TTLL5: variants seen among roughly 807,000 people sequenced by gnomAD.
The protein encoded by TTLL5 is tubulin tyrosine ligase like 5.
A neutral mutation model predicts 168.4 loss-of-function variants in TTLL5; 132 were observed. The observed-to-expected ratio is 0.78, with a 90% confidence interval of 0.68 to 0.91. The LOEUF (loss-of-function observed/expected upper bound fraction) is 0.91. TTLL5 is among the 40% of genes least tolerant of loss of function. The pLI, the probability that TTLL5 is intolerant of heterozygous loss-of-function variation, is 0.00. For synonymous variants in TTLL5, 546 were observed against 558.6 expected, an observed-to-expected ratio of 0.98 and a Z score of 0.32; for missense variants, 1,545 against 1,581.5, an observed-to-expected ratio of 0.98 and a Z score of 0.39.
chr14:75,874,162 G>A (rs1250967899), intron 29 of TTLL5, among the ~76,000 whole-genome samples: 1 of 151,956 alleles, frequency 6.6e-6, no homozygotes, highest in South Asian at 2.1e-4. Context: ...CTCGATCTGG[G>A]CTCACTGCAA....
At chr14:75,710,101 G>C (rs1395833416) in intron 9 of TTLL5, 1 of 152,132 alleles carries the variant, frequency 6.6e-6, no homozygotes, top group African/African-American at 2.4e-5. Context: ...TTTGGGAATA[G>C]AGAAAAGAGA....
At position 75,863,927 on chromosome 14, in the gene TTLL5, A is replaced by AAAAAAAAG. The variant is rs1364506761; in HGVS notation, c.3522+66_3522+73dup. On this transcript the variant is annotated intron_variant, in intron 29 of 31. Coordinates refer to ENST00000298832, the MANE Select transcript of TTLL5 (RefSeq NM_015072.5). ...TGCTGTTGGTAAAAAAAAAAAAAAA[A>AAAAAAAAG]AAAAAAAGGTCAGTGAATGAGAAAT... 6 of 1,307,340 alleles carry AAAAAAAAG rather than the reference A, an allele frequency of 4.6e-6. No individual in the cohort carries two copies. In the Admixed American group the frequency reaches 1.5e-4, roughly 33 times the overall value. 81.0% of individuals were successfully genotyped at this position (1,307,340 alleles called of 1,614,324 possible).
In TTLL5 at chr14:75,773,933, G is replaced by T. The variant is rs1425145729; in HGVS notation, c.2137-1551G>T. ...ATATATATATATATATATATAGAGA[G>T]AGAGAGAGAGAGAGAGAGAGAGAAA... On this transcript the variant is annotated intron_variant, in intron 21 of 31. Transcript: ENST00000298832. 9.6e-3 allele frequency among the ~76,000 whole-genome samples: 252 copies of T among 26,324 alleles called. 2 individuals carry two copies. Among genetic ancestry groups the T allele is most frequent in the African/African-American group, 0.015 (136 of 9,038 alleles). 17.3% of individuals were successfully genotyped at this position (26,324 alleles called of 152,430 possible). A position where few individuals can be genotyped will look rare whatever the true frequency, so the allele number is the denominator to read the frequency against.
chr14:75,928,150 G>T (rs1595286694), intron 31 of TTLL5, among the ~76,000 whole-genome samples: 1 of 151,802 alleles, frequency 6.6e-6, no homozygotes, highest in South Asian at 2.1e-4. Flanking sequence ...CAAAAAGGAG[G>T]TAACTGCCAC....
intron 6 of TTLL5, among the ~76,000 whole-genome samples, chr14:75,695,135 C>T (rs1594883945): frequency 6.6e-6 from 1 of 152,184 alleles, no homozygotes; most frequent in East Asian, 1.9e-4. Context: ...TTCTTTTTCT[C>T]AGCAAGGAAC....
chr14:75,910,533 C>A (rs1233186993), intron 31 of TTLL5, among the ~76,000 whole-genome samples: 1 of 152,190 alleles, frequency 6.6e-6, no homozygotes. Context: ...ATCTTATAGC[C>A]ACATACCTTT....
chr14:75,736,532 T>C (rs1403996366), intron 15 of TTLL5, among the ~76,000 whole-genome samples: 1 of 152,224 alleles, frequency 6.6e-6, no homozygotes, highest in Non-Finnish European at 1.5e-5. Flanking sequence ...ATACCTCATC[T>C]GAAAGGGATG....
chr14:75,663,084 A>G lies in TTLL5; in HGVS notation c.-66A>G. Reference sequence around the variant, plus strand: ...CTGTGCCATCCAAATTGCTTGATCCAGTGAATCTGCTAGGAAAGGTCTCTG... The same window carrying G: ...CTGTGCCATCCAAATTGCTTGATCCGGTGAATCTGCTAGGAAAGGTCTCTG... On this transcript the variant is annotated 5_prime_UTR_variant, in exon 2 of 32. Transcript: ENST00000298832. 2.1e-6 allele frequency: 3 copies of G among 1,452,800 alleles called. No individual in the cohort carries two copies. The highest frequency in any genetic ancestry group is 1.2e-5 in the South Asian group (1 of 84,574). The allele number at this position is 1,452,800 out of a possible 1,614,324, so 90.0% of individuals were successfully genotyped here. A position where few individuals can be genotyped will look rare whatever the true frequency, so the allele number is the denominator to read the frequency against.
chr14:75,794,785 G>C (rs967068571), intron 27 of TTLL5, among the ~76,000 whole-genome samples: 1 of 152,218 alleles, frequency 6.6e-6, no homozygotes, highest in Non-Finnish European at 1.5e-5. Flanking sequence ...GAGTAGTGGA[G>C]AAAGAGCTAG....
chr14:75,681,574 C>G lies in TTLL5; in HGVS notation c.211C>G (p.Arg71Gly). 6.2e-7 allele frequency: 1 copy of G among 1,613,302 alleles called. No individual in the cohort carries two copies. Among genetic ancestry groups the G allele is most frequent in the Non-Finnish European group, 8.5e-7 (1 of 1,179,898 alleles). ...ERYHLSYKIV[R>G]TDSRLVRSIL... The stretch of plus-strand genomic sequence containing the variant: ...TTATCATTTGTCTTATAAGATTGTA[C>G]GAACGGACAGTCGCCTAGTACGCAG... The change falls in exon 4 of 32, where the codon CGA (arginine) becomes GGA (glycine). Residue 71 changes from arginine (R) to glycine (G), a missense_variant. Coordinates refer to ENST00000298832, the MANE Select transcript of TTLL5 (RefSeq NM_015072.5).
At chr14:75,696,275 G>A (rs1594886138) in intron 6 of TTLL5, among the ~76,000 whole-genome samples, 1 of 152,188 alleles carries the variant, frequency 6.6e-6, no homozygotes, top group South Asian at 2.1e-4. Flanking sequence ...CTTGTTCAAT[G>A]TCTGTTTTTT....
chr14:75,780,340 G>A (rs911334863), intron 24 of TTLL5, among the ~76,000 whole-genome samples: 8 of 152,094 alleles, frequency 5.3e-5, no homozygotes, highest in African/African-American at 1.9e-4. Flanking sequence ...ATTAGCTTCC[G>A]CCAGCCATTG....
intron 27 of TTLL5, among the ~76,000 whole-genome samples, chr14:75,799,429 TATCTTTTA>T: frequency 6.6e-6 from 1 of 152,302 alleles, no homozygotes; most frequent in Non-Finnish European, 1.5e-5. Context: ...GCAGATTTTG[TATCTTTTA>T]AGGGGAACAT....
At chr14:75,887,199 C>A in intron 30 of TTLL5, 1 of 995,892 alleles carries the variant, frequency 1.0e-6, no homozygotes, top group Non-Finnish European at 1.2e-6. Flanking sequence ...AGCACCAAAT[C>A]CCAATTAATG....
At chr14:75,668,776 T>C (rs894892124) in intron 2 of TTLL5, among the ~76,000 whole-genome samples, 2 of 152,210 alleles carry the variant, frequency 1.3e-5, no homozygotes, top group African/African-American at 4.8e-5. Context: ...CTATAGCGTG[T>C]AAAAGGAGTA....
chr14:75,781,470 C>G (rs890769601), intron 24 of TTLL5, among the ~76,000 whole-genome samples: 3 of 152,126 alleles, frequency 2.0e-5, no homozygotes, highest in African/African-American at 7.2e-5. Context: ...GAAAGATGAT[C>G]TATAAAATGG....
At chr14:75,721,795 CATA>C (rs1414113806) in intron 12 of TTLL5, among the ~76,000 whole-genome samples, 1 of 152,134 alleles carries the variant, frequency 6.6e-6, no homozygotes, top group East Asian at 1.9e-4. Flanking sequence ...AATTAGACAT[CATA>C]ATTCCTGATC....
At chr14:75,905,187 T>C (rs1189037466) in intron 31 of TTLL5, among the ~76,000 whole-genome samples, 1 of 152,214 alleles carries the variant, frequency 6.6e-6, no homozygotes, top group Non-Finnish European at 1.5e-5. Flanking sequence ...CGTGTGCCTA[T>C]GTAGGAATCC....
At position 75,799,294 on chromosome 14, in the gene TTLL5, TCTG is replaced by T. The variant is rs201688325; in HGVS notation, c.3171+6197_3171+6199del. On this transcript the variant is annotated intron_variant, in intron 27 of 31. Coordinates refer to ENST00000298832, the MANE Select transcript of TTLL5 (RefSeq NM_015072.5). The stretch of plus-strand genomic sequence containing the variant: ...TTTGTCTGATGTAAGAATAGCTACT[TCTG>T]CTCACTTCCGTTATCCATTTGCATG... 4.1e-3 allele frequency among the ~76,000 whole-genome samples: 621 copies of T among 152,304 alleles called. 3 individuals are homozygous for T. The highest frequency in any genetic ancestry group is 0.014 in the East Asian group (71 of 5,190).
Sources: allele counts gnomAD v4.1 joint callset (sites outside exome capture counted in the v4.1 genomes callset), GRCh38; gene constraint gnomAD v4.1.1; transcripts MANE v1.5; gene names NCBI Gene and HGNC (gene_info 2026-07-23, HGNC 2026-07-21).